The following LRBA variants were observed in gnomAD, a reference collection of about 807,000 sequenced individuals.
The protein encoded by LRBA is LPS responsive beige-like anchor protein, also known as lipopolysaccharide-responsive and beige-like anchor protein.
A neutral mutation model predicts 330.0 loss-of-function variants in LRBA; 176 were observed. The observed-to-expected ratio is 0.53, with a 90% confidence interval of 0.47 to 0.60. The LOEUF is 0.60. LRBA is among the 20% of genes least tolerant of loss of function. The probability of loss-of-function intolerance (pLI) is 0.00; values close to 1 mark genes in which losing one functional copy is unlikely to be tolerated. For missense variants in LRBA, 3,259 were observed against 3,444.8 expected (o/e 0.95, Z 1.35); for synonymous variants, 1,230 against 1,193.0 (o/e 1.03, Z -0.64).
At chr4:150,528,474 C>G (rs1763711682) in intron 40 of LRBA, among the ~76,000 whole-genome samples, 1 of 149,608 alleles carries the variant, frequency 6.7e-6, no homozygotes, top group African/African-American at 2.5e-5. Flanking sequence ...GCACTCCAGC[C>G]TGGGGGACAG....
At chr4:150,509,618 T>C (rs570359742) in intron 40 of LRBA, among the ~76,000 whole-genome samples, 14 of 150,992 alleles carry the variant, frequency 9.3e-5, no homozygotes, top group East Asian at 1.9e-4. Context: ...TGTTTTTGTG[T>C]TTTGTTTTGT....
At chr4:150,350,516 A>G (rs6842912) in intron 47 of LRBA, among the ~76,000 whole-genome samples, 129,021 of 150,752 alleles carry the variant, frequency 0.86, 55,866 homozygotes, top group Non-Finnish European at 0.94. Context: ...GTTGCAGTGA[A>G]CCGAGATCAC....
chr4:150,302,831 A>G (rs901214652), intron 52 of LRBA, 39 bp from the exon 53 acceptor site: 15 of 1,478,344 alleles, frequency 1.0e-5, no homozygotes, highest in Non-Finnish European at 1.4e-5. Context: ...ATGCTATTAA[A>G]AAAATAAAAA....
chr4:150,396,968 A>C (rs1195256393), intron 47 of LRBA, among the ~76,000 whole-genome samples: 6 of 152,208 alleles, frequency 3.9e-5, no homozygotes, highest in African/African-American at 1.2e-4. Context: ...TTTACTATTT[A>C]TTTCCATTAT....
chr4:150,876,576 A>C (rs1754050632), intron 17 of LRBA, among the ~76,000 whole-genome samples: 1 of 152,206 alleles, frequency 6.6e-6, no homozygotes, highest in Admixed American at 6.5e-5. Context: ...CTTAAAAGAA[A>C]ATAAATTTAG....
At chr4:150,489,448 TTATA>T (rs1391071035) in intron 41 of LRBA, among the ~76,000 whole-genome samples, 1 of 43,154 alleles carries the variant, frequency 2.3e-5, no homozygotes, top group Non-Finnish European at 5.1e-5. Flanking sequence ...ATATAATATA[TTATA>T]TATAAGAATA....
chr4:151,009,869 A>G (rs1393046393), intron 2 of LRBA, among the ~76,000 whole-genome samples: 2 of 151,932 alleles, frequency 1.3e-5, no homozygotes, highest in Admixed American at 1.3e-4. Flanking sequence ...AGTCCCAGCT[A>G]CTTGGGAGGC....
intron 36 of LRBA, among the ~76,000 whole-genome samples, chr4:150,693,436 C>T (rs1223716363): frequency 1.3e-5 from 2 of 149,264 alleles, no homozygotes; most frequent in Non-Finnish European, 3.0e-5. Context: ...TAGTGGCGGG[C>T]GCCTGTAGTC....
chr4:150,586,056 G>A (rs1385837805), intron 40 of LRBA, among the ~76,000 whole-genome samples: 4 of 152,070 alleles, frequency 2.6e-5, no homozygotes, highest in Non-Finnish European at 5.9e-5. Flanking sequence ...TGCTCTTCCT[G>A]TATTCTTCAC....
rs1183600042 is a variant in LRBA at position 150,803,056 on chromosome 4, CAA to C, written c.5518+3213_5518+3214del. 5.6e-4 allele frequency among the ~76,000 whole-genome samples: 63 copies of C among 113,392 alleles called. 1 individual carries two copies. The highest frequency in any genetic ancestry group is 1.3e-3 in the African/African-American group (37 of 28,906). 74.4% of individuals were successfully genotyped at this position (113,392 alleles called of 152,430 possible). ...AAAAAAAAAAAACTAAAAACAAAAA[CAA>C]AAACAAACAAAAAAAAAATATATAT... On this transcript the variant is annotated intron_variant, in intron 33 of 56. Coordinates refer to ENST00000651943, the MANE Select transcript of LRBA (RefSeq NM_001364905.1).
chr4:150,534,551 T>C (rs1764436625), intron 40 of LRBA, among the ~76,000 whole-genome samples: 1 of 151,972 alleles, frequency 6.6e-6, no homozygotes, highest in African/African-American at 2.4e-5. Flanking sequence ...AAATAATCCT[T>C]CTTTTCTGTA....
intron 35 of LRBA, among the ~76,000 whole-genome samples, chr4:150,740,045 C>T (rs116597185): frequency 0.014 from 2,175 of 152,102 alleles, 56 homozygotes; most frequent in African/African-American, 0.048. Context: ...ACACAGCAGT[C>T]GCTAAGTAAT....
Position 150,487,771 on chromosome 4 carries a change from C to G in LRBA, c.6512G>C (p.Arg2171Pro), listed in dbSNP as rs572317255. ...TVKKVVNYLPRVGVGTSFGLP... is the reference protein window; with the variant it reads ...TVKKVVNYLPPVGVGTSFGLP... Reference sequence around the variant, plus strand: ...TCCAAAACTTGTTCCAACGCCAACACGAGGTAGATAGTTAACCACTTTCTT... The same window carrying G: ...TCCAAAACTTGTTCCAACGCCAACAGGAGGTAGATAGTTAACCACTTTCTT... Residue 2171 changes from arginine (R) to proline (P), a missense_variant, in exon 42 of 57, where the codon CGT (arginine) becomes CCT (proline). Coordinates refer to ENST00000651943, the MANE Select transcript of LRBA (RefSeq NM_001364905.1). 6 of 1,599,688 alleles carry G rather than the reference C, an allele frequency of 3.8e-6. No individual in the cohort carries two copies. The highest frequency in any genetic ancestry group is 3.4e-5 in the South Asian group (3 of 89,450).
At chr4:150,991,523 C>A (rs902527789) in intron 2 of LRBA, among the ~76,000 whole-genome samples, 2 of 152,224 alleles carry the variant, frequency 1.3e-5, no homozygotes, top group Admixed American at 1.3e-4. Context: ...ATAGAGGAAT[C>A]TCAAATGCAA....
intron 53 of LRBA, among the ~76,000 whole-genome samples, chr4:150,288,303 G>A (rs1378280024): frequency 6.6e-6 from 1 of 150,684 alleles, no homozygotes; most frequent in Admixed American, 6.6e-5. Context: ...TTAGGAAGAA[G>A]TATACTGTTT....
rs1578877682 is a variant in LRBA, at chr4:150,817,197, T to C, written c.5232A>G (p.Ile1744Met). 1 of 1,611,712 alleles carries C rather than the reference T, an allele frequency of 6.2e-7. No individual in the cohort carries two copies. Among genetic ancestry groups the C allele is most frequent in the Non-Finnish European group, 8.5e-7 (1 of 1,178,184 alleles). The part of the protein sequence containing the change: ...AVSPSTFNTS[I>M]PTNAVSVVSS... ...AAACCACACTGACAGCATTGGTAGG[T>C]ATGCTTGTATTAAAGGTGGAAGGTG... The change falls in exon 31 of 57, where the codon ATA (isoleucine) becomes ATG (methionine). Residue 1744 changes from isoleucine to methionine, a missense_variant. Ile to Met is a conservative substitution (Grantham distance 10, BLOSUM62 1). Transcript: ENST00000651943.
At chr4:150,786,981 C>T (rs28572569) in intron 34 of LRBA, among the ~76,000 whole-genome samples, 8,445 of 152,196 alleles carry the variant, frequency 0.055, 352 homozygotes, top group East Asian at 0.18. Context: ...CCTCTAATCC[C>T]AGCACTTTGG....
intron 40 of LRBA, among the ~76,000 whole-genome samples, chr4:150,499,471 C>A (rs1759978656): frequency 6.6e-6 from 1 of 152,126 alleles, no homozygotes; most frequent in South Asian, 2.1e-4. Context: ...AGCAAGATCC[C>A]ATCTCTACAA....
intron 37 of LRBA, among the ~76,000 whole-genome samples, chr4:150,648,009 A>T (rs1035272908): frequency 6.6e-6 from 1 of 151,388 alleles, no homozygotes; most frequent in African/African-American, 2.4e-5. Context: ...ATGTTCTGAG[A>T]ATAGCAGGTA....
Sources: allele counts gnomAD v4.1 joint callset (sites outside exome capture counted in the v4.1 genomes callset), GRCh38; gene constraint gnomAD v4.1.1; transcripts MANE v1.5; gene names NCBI Gene and HGNC (gene_info 2026-07-23, HGNC 2026-07-21).